CAPN5: variants seen among roughly 807,000 people sequenced by gnomAD.
The protein encoded by CAPN5 is calpain 5.
A neutral mutation model predicts 73.0 loss-of-function variants in CAPN5; 54 were observed. That is an observed-to-expected ratio of 0.74 (90% CI 0.59 to 0.93). The LOEUF is 0.93. Ranked by LOEUF, CAPN5 falls within the 40% of genes least tolerant of loss-of-function variation. CAPN5 has a pLI of 0.00. For synonymous variants in CAPN5, 335 were observed against 356.9 expected, an observed-to-expected ratio of 0.94 and a Z score of 0.69; for missense variants, 785 against 882.9, an observed-to-expected ratio of 0.89 and a Z score of 1.41.
chr11:77,112,390 A>G (rs1591142124), intron 3 of CAPN5, among the ~76,000 whole-genome samples, 199 bp from the exon 4 acceptor site: 1 of 152,258 alleles, frequency 6.6e-6, no homozygotes, highest in East Asian at 1.9e-4. Context: ...GGAGCCTCCA[A>G]GCCTCGCGGA....
At chr11:77,088,760 G>C (rs1950118632) in intron 2 of CAPN5, among the ~76,000 whole-genome samples, 1 of 152,196 alleles carries the variant, frequency 6.6e-6, no homozygotes, top group Non-Finnish European at 1.5e-5. Flanking sequence ...CATGGATCCA[G>C]TCTGCTGCCT....
At position 77,125,132 on chromosome 11, in the gene CAPN5, GCT is replaced by G. The variant is rs1950560626; in HGVS notation, c.*1263_*1264del. On this transcript the variant is annotated 3_prime_UTR_variant, in exon 13 of 13. Transcript: ENST00000648180. ...GTGCCGTGACCCACTTGGGATCTCTGCTGTGCCCTTCTCGGGCTTCCAGACCA... is the reference window on the plus strand; with the variant it reads ...GTGCCGTGACCCACTTGGGATCTCTGGTGCCCTTCTCGGGCTTCCAGACCA... The G allele has an allele frequency of 1.3e-5, 2 of 152,424 alleles. No homozygotes were observed. Among genetic ancestry groups the G allele is most frequent in the Non-Finnish European group, 2.9e-5 (2 of 68,044 alleles). The allele number at this position is 152,424 out of a possible 1,614,324, so 9.4% of individuals were successfully genotyped here.
chr11:77,086,325 C>A (rs1255634532), intron 2 of CAPN5, among the ~76,000 whole-genome samples: 1 of 152,140 alleles, frequency 6.6e-6, no homozygotes, highest in Non-Finnish European at 1.5e-5. Context: ...CGTAGATGTC[C>A]TTGGACTGGG....
chr11:77,102,803 T>C (rs1464058286), intron 3 of CAPN5: 4 of 1,516,680 alleles, frequency 2.6e-6, no homozygotes, highest in Non-Finnish European at 3.5e-6. Flanking sequence ...TCCAGCCCAC[T>C]TGGGTCCTTG....
chr11:77,106,007 G>C (rs1555039801), intron 3 of CAPN5, among the ~76,000 whole-genome samples: 1 of 152,134 alleles, frequency 6.6e-6, no homozygotes, highest in Non-Finnish European at 1.5e-5. Flanking sequence ...GGATGGACCG[G>C]GGAGATGGGC....
intron 1 of CAPN5, among the ~76,000 whole-genome samples, chr11:77,073,817 G>C (rs948536217): frequency 1.9e-4 from 29 of 152,196 alleles, no homozygotes; most frequent in African/African-American, 6.8e-4. Flanking sequence ...CCTGGTGGTG[G>C]CTGGAGTGAC....
chr11:77,094,865 G>A (rs1950191522), intron 3 of CAPN5, among the ~76,000 whole-genome samples: 1 of 152,242 alleles, frequency 6.6e-6, no homozygotes, highest in Admixed American at 6.5e-5. Context: ...TAATATCATA[G>A]AACATACAGG....
chr11:77,081,617 T>A (rs1204215389), intron 1 of CAPN5, among the ~76,000 whole-genome samples: 1 of 152,006 alleles, frequency 6.6e-6, no homozygotes, highest in Non-Finnish European at 1.5e-5. Flanking sequence ...TGGCACATTG[T>A]CTCTTCCAGA....
At chr11:77,095,984 T>C (rs1280485098) in intron 3 of CAPN5, among the ~76,000 whole-genome samples, 19 of 152,322 alleles carry the variant, frequency 1.2e-4, no homozygotes, top group African/African-American at 4.3e-4. Context: ...CCTGTGCTGC[T>C]GTGGTGCTAT....
chr11:77,088,171 C>T, intron 2 of CAPN5: 1 of 990,242 alleles, frequency 1.0e-6, no homozygotes, highest in Non-Finnish European at 1.4e-6. Flanking sequence ...GCACAGGGGA[C>T]AAGGTGGGGT....
intron 1 of CAPN5, chr11:77,071,733 C>T: frequency 7.1e-6 from 3 of 425,528 alleles, no homozygotes; most frequent in Non-Finnish European, 1.5e-5. Context: ...TCTGGTTCAC[C>T]CTCTGCCTGG....
chr11:77,084,846 G>C lies in CAPN5; in HGVS notation c.-35-6G>C. On this transcript the variant is annotated splice_region_variant and splice_polypyrimidine_tract_variant and intron_variant, in intron 1 of 12. Transcript: ENST00000648180. ...TGAGTGACCGTCTTCTTGCCTTCCTGTCCAGGTGTTCCCCCTCCCCTCCCT... is the reference window on the plus strand; with the variant it reads ...TGAGTGACCGTCTTCTTGCCTTCCTCTCCAGGTGTTCCCCCTCCCCTCCCT... The C allele has an allele frequency of 1.9e-6, 3 of 1,613,254 alleles. No homozygotes were observed. The highest frequency in any genetic ancestry group is 2.2e-5 in the East Asian group (1 of 44,862).
chr11:77,125,059 CT>C lies in CAPN5; in HGVS notation c.*1191del, dbSNP rs1321362662. On this transcript the variant is annotated 3_prime_UTR_variant, in exon 13 of 13. Transcript: ENST00000648180. ...GAAAGCCTGAACCTCCATTTTTCTT[CT>C]TGGCTCCAGTTTTGCTGGTCCTCTG... is the stretch of plus-strand genomic sequence containing the variant. The C allele has an allele frequency of 6.6e-6, 1 of 152,284 alleles. No individual in the cohort carries two copies. The highest frequency in any genetic ancestry group is 2.4e-5 in the African/African-American group (1 of 41,442). 9.4% of individuals were successfully genotyped at this position (152,284 alleles called of 1,614,324 possible).
At chr11:77,076,861 A>G (rs782385999) in intron 1 of CAPN5, among the ~76,000 whole-genome samples, 2 of 152,198 alleles carry the variant, frequency 1.3e-5, no homozygotes, top group Non-Finnish European at 2.9e-5. Flanking sequence ...TACTGACTTC[A>G]TTTCCTTTGG....
At chr11:77,084,575 A>G (rs559308142) in intron 1 of CAPN5, among the ~76,000 whole-genome samples, 28 of 152,032 alleles carry the variant, frequency 1.8e-4, no homozygotes, top group Non-Finnish European at 3.7e-4. Context: ...AAAGGAAGGC[A>G]GGGAGGTAGG....
chr11:77,121,793 G>C lies in CAPN5; in HGVS notation c.1488-141G>C, dbSNP rs150325797. On this transcript the variant is annotated intron_variant, in intron 10 of 12. Coordinates refer to ENST00000648180, the MANE Select transcript of CAPN5 (RefSeq NM_004055.5). ...GGGCTTGGAGCTGGGGACTGCCCAT[G>C]GGGATTTGCTCAGGACTAAATGAAA... is the stretch of plus-strand genomic sequence containing the variant. The C allele has an allele frequency of 5.1e-4, 283 of 551,562 alleles. 2 individuals are homozygous for C. The East Asian group carries it at 8.9e-3, about 17-fold the overall frequency. 34.2% of individuals were successfully genotyped at this position (551,562 alleles called of 1,614,324 possible).
rs1329144344 is a variant in CAPN5 at position 77,112,647 on chromosome 11, G to T, written c.356G>T (p.Gly119Val). The change falls in exon 4 of 13, where the codon GGC (glycine) becomes GTC (valine). Residue 119 changes from glycine (G) to valine (V), a missense_variant. Transcript: ENST00000648180. The part of the protein sequence containing the change: ...WDPEKPNAYA[G>V]IFHFHFWRFG... ...CCCGAAAAGCCCAACGCCTACGCGGGCATCTTCCACTTCCACTTCTGGCGC... is the reference window on the plus strand; with the variant it reads ...CCCGAAAAGCCCAACGCCTACGCGGTCATCTTCCACTTCCACTTCTGGCGC... 2 of 1,614,200 alleles carry T rather than the reference G, an allele frequency of 1.2e-6. No homozygotes were observed. The highest frequency in any genetic ancestry group is 2.7e-5 in the African/African-American group (2 of 75,046).
rs71043542 is a variant in CAPN5, at chr11:77,067,632, CGTGTGTGTGTGTGTGT to C, written c.-36+561_-36+576del. On this transcript the variant is annotated intron_variant, in intron 1 of 12. Transcript: ENST00000648180. ...TCTCCTTGACTGCAGGGCGGGCGCA[CGTGTGTGTGTGTGTGT>C]GTGTGTGTGTGTGTGTGTGTGTTGC... Among the ~76,000 whole-genome samples the C allele has an allele frequency of 1.4e-4, 18 of 126,738 alleles. No individual in the cohort carries two copies. In the South Asian group the frequency reaches 1.6e-3, roughly 11 times the overall value. 83.1% of individuals were successfully genotyped at this position (126,738 alleles called of 152,430 possible). A position where few individuals can be genotyped will look rare whatever the true frequency, so the allele number is the denominator to read the frequency against.
In CAPN5 at chr11:77,115,501, T is replaced by C. The variant is rs782597398; in HGVS notation, c.806T>C (p.Leu269Pro). The part of the protein sequence containing the change: ...VRKVRLGHGL[L>P]AFFKSEKLDM... ...AAGGTGCGCCTGGGCCACGGCCTACTGGCCTTCTTCAAGTCAGAGAAGTTG... is the reference window on the plus strand; with the variant it reads ...AAGGTGCGCCTGGGCCACGGCCTACCGGCCTTCTTCAAGTCAGAGAAGTTG... The change falls in exon 6 of 13, where the codon CTG (leucine) becomes CCG (proline). Residue 269 changes from leucine (L) to proline (P), a missense_variant. Transcript: ENST00000648180. 2 of 1,613,272 alleles carry C rather than the reference T, an allele frequency of 1.2e-6. No homozygotes were observed. The highest frequency in any genetic ancestry group is 1.3e-5 in the African/African-American group (1 of 74,934).
Sources: gnomAD v4.1 joint callset for allele counts (sites outside exome capture counted in the v4.1 genomes callset) on GRCh38, gnomAD v4.1.1 for gene constraint, MANE v1.5 for transcripts, NCBI Gene and HGNC (gene_info 2026-07-23, HGNC 2026-07-21) for gene names.